The following CAPZA2 variants were observed in gnomAD, a reference collection of about 807,000 sequenced individuals.
CAPZA2 encodes capping actin protein of muscle Z-line subunit alpha 2, also known as F-actin-capping protein subunit alpha-2.
CAPZA2 carries 13 observed loss-of-function variants against 44.0 expected under a neutral mutation model. The observed-to-expected ratio is 0.30, with a 90% CI of 0.19 to 0.47. The LOEUF (loss-of-function observed/expected upper bound fraction) is 0.47, where lower values mean the gene tolerates loss of function less well. Among genes scored for constraint, CAPZA2 ranks in the 20% least tolerant of loss-of-function variants. CAPZA2 has a pLI of 1.00. For synonymous variants in CAPZA2, 94 were observed against 108.2 expected, an observed-to-expected ratio of 0.87 and a Z score of 0.81; for missense variants, 244 against 338.6, an observed-to-expected ratio of 0.72 and a Z score of 2.19.
intron 3 of CAPZA2, 62 bp from the exon 4 acceptor site, chr7:116,898,710 C>A: frequency 9.1e-7 from 1 of 1,093,332 alleles, no homozygotes; most frequent in Non-Finnish European, 1.3e-6. Flanking sequence ...AATTTTTTGA[C>A]CATTGTTTTT....
chr7:116,880,694 G>C (rs1244835830), intron 1 of CAPZA2, among the ~76,000 whole-genome samples: 1 of 48,176 alleles, frequency 2.1e-5, no homozygotes, highest in South Asian at 9.5e-4. Flanking sequence ...ACTGTAACCT[G>C]CCTTTTTTTT....
chr7:116,911,749 A>T (rs1262187509), intron 7 of CAPZA2, among the ~76,000 whole-genome samples: 1 of 152,212 alleles, frequency 6.6e-6, no homozygotes, highest in Non-Finnish European at 1.5e-5. Context: ...GAAGAACAGG[A>T]TTGGGAAGGA....
At chr7:116,916,937 T>A (rs1030000700) in intron 9 of CAPZA2, among the ~76,000 whole-genome samples, 1 of 152,198 alleles carries the variant, frequency 6.6e-6, no homozygotes, top group Non-Finnish European at 1.5e-5. Flanking sequence ...GTGGCTATTT[T>A]TTTTCTGGTT....
chr7:116,914,104 T>A (rs1238196915), intron 8 of CAPZA2, among the ~76,000 whole-genome samples: 1 of 150,680 alleles, frequency 6.6e-6, no homozygotes. Context: ...CTTGGCTCAC[T>A]GCAAGCTCCG....
intron 3 of CAPZA2, among the ~76,000 whole-genome samples, chr7:116,896,318 G>C (rs1461910368): frequency 6.6e-6 from 1 of 152,098 alleles, no homozygotes; most frequent in African/African-American, 2.4e-5. Context: ...GTATTGTCAA[G>C]TCAAGAACAC....
At chr7:116,890,587 TATATATATATACAC>T (rs1796830635) in intron 2 of CAPZA2, among the ~76,000 whole-genome samples, 1 of 43,158 alleles carries the variant, frequency 2.3e-5, no homozygotes, top group African/African-American at 1.6e-4. Flanking sequence ...TATATATATA[TATATATATATACAC>T]ACACACACAC....
At chr7:116,895,935 T>C (rs1796919805) in intron 3 of CAPZA2, among the ~76,000 whole-genome samples, 1 of 152,118 alleles carries the variant, frequency 6.6e-6, no homozygotes, top group Admixed American at 6.5e-5. Context: ...GATAATAATT[T>C]GTTACCTATC....
chr7:116,905,979 A>T (rs1323702493), intron 5 of CAPZA2, among the ~76,000 whole-genome samples: 1 of 152,244 alleles, frequency 6.6e-6, no homozygotes, highest in Non-Finnish European at 1.5e-5. Flanking sequence ...TTATCTACTT[A>T]TGAAAGTAGA....
At chr7:116,880,357 G>A (rs1796675978) in intron 1 of CAPZA2, among the ~76,000 whole-genome samples, 1 of 152,128 alleles carries the variant, frequency 6.6e-6, no homozygotes, top group Non-Finnish European at 1.5e-5. Flanking sequence ...TTAAGGGGAT[G>A]ATGGCTCATT....
At chr7:116,899,266 A>C (rs1450186996) in intron 4 of CAPZA2, among the ~76,000 whole-genome samples, 1 of 152,036 alleles carries the variant, frequency 6.6e-6, no homozygotes, top group Non-Finnish European at 1.5e-5. Flanking sequence ...TTGCTAAGCT[A>C]AGAAAAGCCA....
At chr7:116,910,152 G>A (rs1317214877) in intron 6 of CAPZA2, 81 bp from the exon 7 acceptor site, 3 of 785,754 alleles carry the variant, frequency 3.8e-6, no homozygotes, top group East Asian at 2.5e-5. Flanking sequence ...TCATACTGTA[G>A]CATGAAATAT....
At chr7:116,904,569 G>A in intron 5 of CAPZA2, 186 bp downstream of exon 5, 1 of 527,236 alleles carries the variant, frequency 1.9e-6, no homozygotes, top group South Asian at 2.7e-5. Flanking sequence ...TACTAGGATG[G>A]CTTAAAATAG....
intron 2 of CAPZA2, among the ~76,000 whole-genome samples, chr7:116,889,313 C>T (rs889078258): frequency 1.3e-5 from 2 of 152,130 alleles, no homozygotes; most frequent in South Asian, 2.1e-4. Flanking sequence ...TGAACTTCAC[C>T]GTGTCTTAAA....
chr7:116,882,509 A>G lies in CAPZA2; in HGVS notation c.40-5618A>G, dbSNP rs181090513. Among the ~76,000 whole-genome samples the G allele has an allele frequency of 1.1e-3, 159 of 148,762 alleles. 1 individual carries two copies. Among genetic ancestry groups the G allele is most frequent in the African/African-American group, 3.7e-3 (155 of 41,398 alleles). The stretch of plus-strand genomic sequence containing the variant: ...TTTTACAAAAAAGTAAGCCCATAAG[A>G]AAAACAAGATACGAAAAAATATTGT... On this transcript the variant is annotated intron_variant, in intron 1 of 9. Coordinates refer to ENST00000361183, the MANE Select transcript of CAPZA2 (RefSeq NM_006136.3).
chr7:116,881,120 A>G (rs1796692548), intron 1 of CAPZA2, among the ~76,000 whole-genome samples: 1 of 152,170 alleles, frequency 6.6e-6, no homozygotes, highest in Non-Finnish European at 1.5e-5. Context: ...AAATTCTAGA[A>G]TAACATCACT....
At position 116,868,048 on chromosome 7, in the gene CAPZA2, G is replaced by A. The variant is rs115431883; in HGVS notation, c.39+5398G>A. Among the ~76,000 whole-genome samples the A allele has an allele frequency of 1.9e-3, 285 of 152,246 alleles. 2 individuals are homozygous for A. Among genetic ancestry groups the A allele is most frequent in the African/African-American group, 6.3e-3 (262 of 41,536 alleles). ...CAATAAATGGTAGTTATTTTTCTCT[G>A]CTCATGACTTTTCATCTACTTTGAG... is the stretch of plus-strand genomic sequence containing the variant. On this transcript the variant is annotated intron_variant, in intron 1 of 9. Transcript: ENST00000361183.
intron 1 of CAPZA2, among the ~76,000 whole-genome samples, chr7:116,868,753 T>A (rs981309113): frequency 6.6e-6 from 1 of 152,096 alleles, no homozygotes; most frequent in African/African-American, 2.4e-5. Flanking sequence ...AAAAAAAAAT[T>A]CTTATTATTG....
intron 1 of CAPZA2, among the ~76,000 whole-genome samples, chr7:116,886,851 A>G (rs572734307): frequency 2.0e-5 from 3 of 152,308 alleles, no homozygotes; most frequent in East Asian, 3.9e-4. Context: ...TCCTATACAT[A>G]AGGTGCTTTC....
chr7:116,895,551 T>C (rs73714198), intron 3 of CAPZA2, among the ~76,000 whole-genome samples: 3,337 of 152,148 alleles, frequency 0.022, 124 homozygotes, highest in African/African-American at 0.076. Context: ...AGGACATCGG[T>C]AATTGTGATA....
Sources: gnomAD v4.1 joint callset for allele counts (sites outside exome capture counted in the v4.1 genomes callset) on GRCh38, gnomAD v4.1.1 for gene constraint, MANE v1.5 for transcripts, NCBI Gene and HGNC (gene_info 2026-07-23, HGNC 2026-07-21) for gene names.